FRMD6: variants seen among roughly 807,000 people sequenced by gnomAD.
FRMD6 encodes the protein FERM domain containing 6.
In FRMD6, 37 loss-of-function variants were observed where a neutral mutation model predicts 73.2. That is an observed-to-expected ratio of 0.51 (90% CI 0.39 to 0.66). The LOEUF is 0.66. Ranked by LOEUF, FRMD6 falls within the 30% of genes least tolerant of loss-of-function variation. The pLI is 0.00. For missense variants in FRMD6, 714 were observed against 780.5 expected (o/e 0.91, Z 1.02); for synonymous variants, 273 against 282.2 (o/e 0.97, Z 0.33).
At chr14:51,688,503 G>A (rs746897483) in intron 1 of FRMD6, among the ~76,000 whole-genome samples, 3 of 151,740 alleles carry the variant, frequency 2.0e-5, no homozygotes, top group Non-Finnish European at 4.4e-5. Context: ...TAAGCAAATC[G>A]GCCAAGATTC....
At chr14:51,582,532 C>A (rs1328960543) in intron 2 of FRMD6, among the ~76,000 whole-genome samples, 1 of 152,196 alleles carries the variant, frequency 6.6e-6, no homozygotes, top group Admixed American at 6.5e-5. Context: ...AGCTACAAGC[C>A]TTCCCACTAG....
intron 1 of FRMD6, among the ~76,000 whole-genome samples, chr14:51,557,497 G>C (rs1239380875): frequency 6.6e-6 from 1 of 152,100 alleles, no homozygotes; most frequent in East Asian, 1.9e-4. Context: ...GGCTAGGGCA[G>C]GGTGATGGTA....
chr14:51,482,120 A>G, the FRMD6 span, among the ~76,000 whole-genome samples: 6 of 152,258 alleles, frequency 3.9e-5, no homozygotes, highest in African/African-American at 1.4e-4. Flanking sequence ...AAAGGGTAAC[A>G]GTCTCAACTT....
intron 1 of FRMD6, among the ~76,000 whole-genome samples, chr14:51,492,357 T>G (rs1293947746): frequency 6.6e-6 from 1 of 152,116 alleles, no homozygotes; most frequent in Non-Finnish European, 1.5e-5. Context: ...CTGTCACAAC[T>G]CTAACCTGTT....
the FRMD6 span, among the ~76,000 whole-genome samples, chr14:51,449,359 G>A: frequency 8.3e-4 from 127 of 152,280 alleles, no homozygotes; most frequent in African/African-American, 3.0e-3. Flanking sequence ...AGAGCATGGT[G>A]GTGATTTTGA....
At chr14:51,623,892 G>C (rs980890491) in intron 2 of FRMD6, among the ~76,000 whole-genome samples, 2 of 152,200 alleles carry the variant, frequency 1.3e-5, no homozygotes, top group African/African-American at 4.8e-5. Flanking sequence ...GGCAAGAACT[G>C]TGGTTTAGTA....
At chr14:51,690,081 T>TA in intron 2 of FRMD6, 146 bp downstream of exon 2, 1 of 664,650 alleles carries the variant, frequency 1.5e-6, no homozygotes, top group Non-Finnish European at 2.8e-6. Flanking sequence ...AGTCCATACA[T>TA]ACATTAACTT....
intron 13 of FRMD6, 72 bp from the exon 14 acceptor site, chr14:51,727,673 G>C: frequency 7.1e-7 from 1 of 1,415,756 alleles, no homozygotes; most frequent in East Asian, 2.3e-5. Flanking sequence ...TGGTTCTGTA[G>C]CATCTCTCTT....
intron 1 of FRMD6, among the ~76,000 whole-genome samples, chr14:51,500,911 G>A (rs1431152864): frequency 6.6e-6 from 1 of 152,082 alleles, no homozygotes; most frequent in Non-Finnish European, 1.5e-5. Flanking sequence ...CAAAAATGTT[G>A]GCCTAAATTA....
intron 8 of FRMD6, among the ~76,000 whole-genome samples, chr14:51,712,069 A>G (rs1164094938): frequency 6.6e-6 from 1 of 152,220 alleles, no homozygotes; most frequent in African/African-American, 2.4e-5. Context: ...CAGGTGAGAC[A>G]GTGTTATCCT....
upstream of FRMD6, among the ~76,000 whole-genome samples, chr14:51,488,064 C>T (rs1882814262): frequency 6.6e-6 from 1 of 152,204 alleles, no homozygotes; most frequent in African/African-American, 2.4e-5. Flanking sequence ...GCTTTATCTT[C>T]AGGCAGTTCC....
At chr14:51,435,721 A>G in the FRMD6 span, among the ~76,000 whole-genome samples, 7 of 152,272 alleles carry the variant, frequency 4.6e-5, no homozygotes, top group African/African-American at 1.2e-4. Flanking sequence ...AGTAAGTTCT[A>G]GTGTTCTATA....
At chr14:51,595,775 C>T (rs904820793) in intron 2 of FRMD6, among the ~76,000 whole-genome samples, 1 of 152,158 alleles carries the variant, frequency 6.6e-6, no homozygotes, top group African/African-American at 2.4e-5. Context: ...TTTCAGTAAA[C>T]AACAGTTTGC....
At chr14:51,644,856 G>C (rs919649816) in intron 2 of FRMD6, among the ~76,000 whole-genome samples, 11 of 152,290 alleles carry the variant, frequency 7.2e-5, no homozygotes, top group Non-Finnish European at 1.5e-4. Flanking sequence ...TTTTACAAGA[G>C]AGCGTATTTC....
intron 2 of FRMD6, among the ~76,000 whole-genome samples, chr14:51,592,131 A>C (rs1463955944): frequency 6.6e-6 from 1 of 152,184 alleles, no homozygotes; most frequent in Non-Finnish European, 1.5e-5. Flanking sequence ...AAATTTTCAT[A>C]TTTTCAAATG....
chr14:51,727,671 T>A, intron 13 of FRMD6, 74 bp from the exon 14 acceptor site: 1 of 1,410,196 alleles, frequency 7.1e-7, no homozygotes, highest in East Asian at 2.3e-5. Flanking sequence ...TGTGGTTCTG[T>A]AGCATCTCTC....
At chr14:51,599,056 G>GTTTTTTTTTTTTTTTT (rs778270230) in intron 2 of FRMD6, among the ~76,000 whole-genome samples, 2 of 69,558 alleles carry the variant, frequency 2.9e-5, no homozygotes, top group Non-Finnish European at 2.5e-5. Flanking sequence ...GCCAGTATCT[G>GTTTTTTTTTTTTTTTT]TCTTTTTTTT....
intron 1 of FRMD6, among the ~76,000 whole-genome samples, chr14:51,545,307 G>A (rs752926446): frequency 1.3e-5 from 2 of 151,982 alleles, no homozygotes; most frequent in African/African-American, 2.4e-5. Flanking sequence ...TTAGAAAGGA[G>A]TACAGAGGTT....
chr14:51,530,286 A>T (rs765819160), intron 1 of FRMD6, among the ~76,000 whole-genome samples: 1 of 152,162 alleles, frequency 6.6e-6, no homozygotes, highest in Non-Finnish European at 1.5e-5. Flanking sequence ...GTGGCGTCAC[A>T]CTGGAAGCTG....
Sources: gnomAD v4.1 joint callset for allele counts (sites outside exome capture counted in the v4.1 genomes callset) on GRCh38, gnomAD v4.1.1 for gene constraint, MANE v1.5 for transcripts, NCBI Gene and HGNC (gene_info 2026-07-23, HGNC 2026-07-21) for gene names.